PDE4D: variants seen among roughly 807,000 people sequenced by gnomAD.
PDE4D encodes the protein phosphodiesterase 4D.
In PDE4D, 24 loss-of-function variants were observed where a neutral mutation model predicts 87.4. The observed-to-expected ratio is 0.27, with a 90% confidence interval of 0.20 to 0.39. The LOEUF is 0.39. PDE4D is among the 10% of genes least tolerant of loss of function. PDE4D has a pLI of 1.00. For synonymous variants in PDE4D, 384 were observed against 383.2 expected (o/e 1.00, Z -0.02); for missense variants, 714 against 1,041.0 (o/e 0.69, Z 4.32).
chr5:59,215,527 T>A, intron 2 of PDE4D: 1 of 395,722 alleles, frequency 2.5e-6, no homozygotes, highest in Non-Finnish European at 4.5e-6. Context: ...TCCTATAAAG[T>A]ATTTTCTGGG....
chr5:60,200,584 G>A lies in PDE4D; in HGVS notation c.-89-14897C>T, dbSNP rs544555272. Among the ~76,000 whole-genome samples the A allele has an allele frequency of 2.6e-5, 4 of 152,240 alleles. No individual in the cohort carries two copies. The South Asian group carries it at 8.3e-4, about 32-fold the overall frequency. ...TTTAACCATAGCTGAATTTCAGTCA[G>A]TACATTTGACTCTACTGTAGATGAC... On this transcript the variant is annotated intron_variant, in intron 1 of 16. Transcript: ENST00000502484.
chr5:59,425,032 A>G (rs1250046025), intron 1 of PDE4D, among the ~76,000 whole-genome samples: 1 of 152,224 alleles, frequency 6.6e-6, no homozygotes, highest in East Asian at 1.9e-4. Context: ...GCTATCTTTA[A>G]TGAAATCTTA....
At chr5:59,055,509 T>C (rs1762204008) in intron 5 of PDE4D, among the ~76,000 whole-genome samples, 1 of 152,178 alleles carries the variant, frequency 6.6e-6, no homozygotes, top group Admixed American at 6.5e-5. Flanking sequence ...GCAAGTTTCC[T>C]CAGAGTTCCC....
chr5:59,820,931 T>G (rs775437346), intron 1 of PDE4D, among the ~76,000 whole-genome samples: 25 of 152,082 alleles, frequency 1.6e-4, no homozygotes, highest in South Asian at 6.2e-4. Context: ...GTAAGGGAAG[T>G]ATAATAAATG....
intron 2 of PDE4D, among the ~76,000 whole-genome samples, chr5:60,009,984 TA>T (rs1220991453): frequency 2.6e-5 from 4 of 152,116 alleles, no homozygotes; most frequent in African/African-American, 9.7e-5. Flanking sequence ...TTGTGGCCTC[TA>T]TTTTTTTTAA....
At chr5:59,499,101 T>C (rs1399586945) in intron 1 of PDE4D, among the ~76,000 whole-genome samples, 1 of 151,320 alleles carries the variant, frequency 6.6e-6, no homozygotes, top group East Asian at 1.9e-4. Flanking sequence ...AAAACAGAAA[T>C]CAACAGCAAG....
intron 1 of PDE4D, among the ~76,000 whole-genome samples, chr5:59,351,832 C>T (rs1284496770): frequency 6.6e-6 from 1 of 152,076 alleles, no homozygotes; most frequent in African/African-American, 2.4e-5. Context: ...TAACAAATTA[C>T]GTGGTGTTCT....
At chr5:59,199,681 A>G (rs993078557) in intron 2 of PDE4D, among the ~76,000 whole-genome samples, 2 of 152,200 alleles carry the variant, frequency 1.3e-5, no homozygotes, top group Admixed American at 1.3e-4. Flanking sequence ...ATGAATATAA[A>G]AATATTTCTG....
intron 1 of PDE4D, among the ~76,000 whole-genome samples, chr5:59,406,394 TTCCC>T (rs1562125029): frequency 1.6e-4 from 3 of 18,702 alleles, no homozygotes; most frequent in African/African-American, 3.5e-4. Context: ...TTATCTTTCC[TTCCC>T]CCCCCCCCCC....
intron 1 of PDE4D, among the ~76,000 whole-genome samples, chr5:59,482,709 T>G (rs925112479): frequency 2.6e-5 from 4 of 152,164 alleles, no homozygotes; most frequent in Non-Finnish European, 4.4e-5. Flanking sequence ...GATTCTTGCT[T>G]AATGGTCATT....
At chr5:60,333,487 G>A (rs1417267781) in intron 1 of PDE4D, among the ~76,000 whole-genome samples, 3 of 152,112 alleles carry the variant, frequency 2.0e-5, no homozygotes, top group East Asian at 1.9e-4. Flanking sequence ...TTTTAGCTCC[G>A]AACCTTGTCA....
chr5:60,263,039 T>C (rs1749812656), intron 1 of PDE4D, among the ~76,000 whole-genome samples: 1 of 152,210 alleles, frequency 6.6e-6, no homozygotes, highest in Non-Finnish European at 1.5e-5. Flanking sequence ...TGACAGCTTC[T>C]CATGGGACTT....
intron 2 of PDE4D, among the ~76,000 whole-genome samples, chr5:59,208,012 A>C (rs78089380): frequency 1.3e-5 from 2 of 151,158 alleles, no homozygotes; most frequent in Admixed American, 6.6e-5. Flanking sequence ...AAAAAAAAAA[A>C]CACAATCAGC....
chr5:60,415,539 C>A (rs1742432821), intron 1 of PDE4D, among the ~76,000 whole-genome samples: 2 of 152,200 alleles, frequency 1.3e-5, no homozygotes, highest in Admixed American at 1.3e-4. Context: ...CTTGGTGGGC[C>A]CGCACTGGGA....
chr5:58,987,410 T>A (rs1011797897), intron 11 of PDE4D, among the ~76,000 whole-genome samples: 3 of 152,106 alleles, frequency 2.0e-5, no homozygotes, highest in African/African-American at 7.2e-5. Context: ...CATGGATGAG[T>A]CATTAGAGTA....
chr5:59,071,551 T>TC, intron 5 of PDE4D, among the ~76,000 whole-genome samples: 1 of 151,418 alleles, frequency 6.6e-6, no homozygotes. Flanking sequence ...GTTGTTTTTT[T>TC]TTTTTCCATA....
chr5:59,462,374 G>A (rs554391958), intron 1 of PDE4D, among the ~76,000 whole-genome samples: 26 of 152,086 alleles, frequency 1.7e-4, no homozygotes, highest in Admixed American at 9.2e-4. Flanking sequence ...CTTGGCTCAA[G>A]TTGTTGGCCA....
intron 1 of PDE4D, among the ~76,000 whole-genome samples, chr5:59,868,435 T>G (rs1307093249): frequency 6.6e-6 from 1 of 152,104 alleles, no homozygotes; most frequent in Non-Finnish European, 1.5e-5. Context: ...AGAACTCTGC[T>G]GAGAAAATGT....
At chr5:60,381,269 A>C (rs1466061281) in intron 1 of PDE4D, among the ~76,000 whole-genome samples, 2 of 152,146 alleles carry the variant, frequency 1.3e-5, no homozygotes, top group African/African-American at 4.8e-5. Context: ...TCAAAGCTCA[A>C]GTGTTTCCCT....
Sources: gnomAD v4.1 joint callset for allele counts (sites outside exome capture counted in the v4.1 genomes callset) on GRCh38, gnomAD v4.1.1 for gene constraint, MANE v1.5 for transcripts, NCBI Gene and HGNC (gene_info 2026-07-23, HGNC 2026-07-21) for gene names.